MYT1L: variants seen among roughly 807,000 people sequenced by gnomAD.
MYT1L encodes the protein myelin transcription factor 1-like protein.
Under a neutral mutation model 126.7 loss-of-function variants are expected in MYT1L, and 12 were observed. The ratio of observed to expected loss-of-function variants is 0.09; its 90% confidence interval spans 0.06 to 0.15. MYT1L has a LOEUF of 0.15. MYT1L is among the 10% of genes least tolerant of loss of function. MYT1L has a pLI of 1.00. For missense variants in MYT1L, 979 were observed against 1,585.2 expected (o/e 0.62, Z 6.49); for synonymous variants, 541 against 604.2 (o/e 0.90, Z 1.53).
At chr2:1,814,303 G>A (rs1282714110) in intron 21 of MYT1L, among the ~76,000 whole-genome samples, 3 of 152,188 alleles carry the variant, frequency 2.0e-5, no homozygotes, top group Non-Finnish European at 2.9e-5. Flanking sequence ...GGCCCGGCCT[G>A]CACCAGGAGG....
At chr2:1,963,420 G>A (rs12714311) in intron 8 of MYT1L, among the ~76,000 whole-genome samples, 39,340 of 152,132 alleles carry the variant, frequency 0.26, 5,626 homozygotes, top group African/African-American at 0.38. Flanking sequence ...ATAAGCTTCA[G>A]TTTAAAGTCA....
chr2:2,314,651 C>T (rs964527370), intron 1 of MYT1L, among the ~76,000 whole-genome samples: 8 of 152,264 alleles, frequency 5.3e-5, no homozygotes, highest in African/African-American at 1.9e-4. Flanking sequence ...TTGAACCTAT[C>T]AACCCATCAC....
rs116542579 is a variant in MYT1L, at chr2:2,271,664, A to G, written c.-421+12740T>C. On this transcript the variant is annotated intron_variant, in intron 2 of 24. Transcript: ENST00000647738. ...CAGTTCTAGAAGGAGGAAGTGCAAC[A>G]TCGAGGAGCCAGAAAGTTTGGTTTC... Among the ~76,000 whole-genome samples the G allele has an allele frequency of 7.9e-3, 1,210 of 152,328 alleles. 19 individuals carry two copies. The highest frequency in any genetic ancestry group is 0.028 in the African/African-American group (1,161 of 41,576).
intron 3 of MYT1L, among the ~76,000 whole-genome samples, chr2:2,062,123 C>G (rs539927805): frequency 1.9e-3 from 288 of 152,298 alleles, no homozygotes; most frequent in East Asian, 3.1e-3. Context: ...AGTTTCTGCC[C>G]CCAGCATGGT....
Position 1,817,114 on chromosome 2 carries a change from A to T in MYT1L, c.3081-7947T>A, listed in dbSNP as rs1014585578. The T allele has an allele frequency of 9.6e-4, 146 of 152,228 alleles. 2 individuals carry two copies. The highest frequency in any genetic ancestry group is 1.6e-4 in the Non-Finnish European group (11 of 68,044). The allele number at this position is 152,228 out of a possible 1,614,324, so 9.4% of individuals were successfully genotyped here. A position where few individuals can be genotyped will look rare whatever the true frequency, so the allele number is the denominator to read the frequency against. ...TGTCAAAAAGGCCCATTTTCTCATG[A>T]CTTGATTACAAAGTTCCTTATTAAG... On this transcript the variant is annotated intron_variant, in intron 21 of 24. Transcript: ENST00000647738.
At chr2:1,868,117 C>T (rs1186736834) in intron 18 of MYT1L, among the ~76,000 whole-genome samples, 1 of 152,110 alleles carries the variant, frequency 6.6e-6, no homozygotes, top group Non-Finnish European at 1.5e-5. Context: ...CAGGCGTGCA[C>T]CACCATGCCC....
intron 2 of MYT1L, among the ~76,000 whole-genome samples, chr2:2,257,969 A>G (rs1248881365): frequency 7.5e-6 from 1 of 133,660 alleles, no homozygotes; most frequent in Non-Finnish European, 1.5e-5. Context: ...AGCTGGAGGC[A>G]TCACACTACC....
At chr2:2,313,097 A>G (rs925268403) in intron 1 of MYT1L, among the ~76,000 whole-genome samples, 2 of 152,226 alleles carry the variant, frequency 1.3e-5, no homozygotes, top group African/African-American at 4.8e-5. Context: ...TTCAGAATAT[A>G]TATGACTGAA....
chr2:2,318,332 T>C (rs2096103239), intron 1 of MYT1L, among the ~76,000 whole-genome samples: 1 of 152,228 alleles, frequency 6.6e-6, no homozygotes, highest in Admixed American at 6.5e-5. Flanking sequence ...ATGTTACCTG[T>C]TGTCTCACAA....
intron 4 of MYT1L, among the ~76,000 whole-genome samples, chr2:2,040,177 G>C (rs1368202863): frequency 6.6e-6 from 1 of 152,110 alleles, no homozygotes; most frequent in African/African-American, 2.4e-5. Context: ...AATCCTCCTA[G>C]GGCTGTATAT....
At chr2:2,292,209 C>G (rs907687054) in intron 1 of MYT1L, among the ~76,000 whole-genome samples, 4 of 152,338 alleles carry the variant, frequency 2.6e-5, no homozygotes, top group African/African-American at 9.6e-5. Context: ...CAGGGGCCTG[C>G]AGCTCTGGGG....
chr2:2,181,100 G>C (rs1224663483), intron 2 of MYT1L, among the ~76,000 whole-genome samples: 2 of 151,388 alleles, frequency 1.3e-5, no homozygotes, highest in African/African-American at 4.9e-5. Flanking sequence ...GTGTACCTGT[G>C]TGTGAACATG....
chr2:2,072,743 T>C (rs2074753644), intron 3 of MYT1L, among the ~76,000 whole-genome samples: 1 of 152,144 alleles, frequency 6.6e-6, no homozygotes. Context: ...TCTCACAAGA[T>C]CTGATGGTTT....
In MYT1L at chr2:1,811,449, C is replaced by G. The variant is rs6734276; in HGVS notation, c.3081-2282G>C. 0.046 allele frequency: 6,908 copies of G among 151,048 alleles called. 179 individuals carry two copies. The highest frequency in any genetic ancestry group is 0.072 in the East Asian group (369 of 5,134). The allele number at this position is 151,048 out of a possible 1,614,324, so 9.4% of individuals were successfully genotyped here. ...TCCCGCGTCCTATCCCATCCCAGGGCAAGCCGCACGGGAAGCCCCAGGAGC... is the reference window on the plus strand; with the variant it reads ...TCCCGCGTCCTATCCCATCCCAGGGGAAGCCGCACGGGAAGCCCCAGGAGC... On this transcript the variant is annotated intron_variant, in intron 21 of 24. Transcript: ENST00000647738. The surrounding 1 kb of genome is among the most constrained non-coding windows in gnomAD (Gnocchi z 4.4).
chr2:2,031,638 T>G (rs1300101690), intron 4 of MYT1L, among the ~76,000 whole-genome samples: 23 of 142,744 alleles, frequency 1.6e-4, no homozygotes, highest in African/African-American at 5.1e-4. Flanking sequence ...AGGAGGGCCT[T>G]ACACACACCC....
chr2:2,152,752 A>C (rs2148327445), intron 3 of MYT1L, among the ~76,000 whole-genome samples: 1 of 152,298 alleles, frequency 6.6e-6, no homozygotes, highest in East Asian at 1.9e-4. Context: ...GCAGTGGAAG[A>C]GTTTAAGCAG....
intron 14 of MYT1L, among the ~76,000 whole-genome samples, chr2:1,896,512 A>C (rs928996605): frequency 6.6e-6 from 1 of 152,232 alleles, no homozygotes; most frequent in Non-Finnish European, 1.5e-5. Flanking sequence ...CCATAAAAAC[A>C]ATAAAGTCTA....
At chr2:2,270,420 C>T (rs1472021361) in intron 2 of MYT1L, among the ~76,000 whole-genome samples, 2 of 152,190 alleles carry the variant, frequency 1.3e-5, no homozygotes, top group South Asian at 2.1e-4. Flanking sequence ...ATAATTTATC[C>T]CCTTTGCAAA....
At chr2:1,971,695 C>A (rs1242898846) in intron 8 of MYT1L, among the ~76,000 whole-genome samples, 14 of 152,198 alleles carry the variant, frequency 9.2e-5, no homozygotes, top group Admixed American at 9.2e-4. Context: ...CGTGCCACTG[C>A]ACTCCAGCCT....
Sources: gnomAD v4.1 joint callset for allele counts (sites outside exome capture counted in the v4.1 genomes callset) on GRCh38, gnomAD v4.1.1 for gene constraint, Gnocchi (gnomAD v3.1) non-coding constraint, MANE v1.5 for transcripts, NCBI Gene and HGNC (gene_info 2026-07-23, HGNC 2026-07-21) for gene names.